Variants in PLCB3 observed in about 807,000 individuals in gnomAD.
The protein encoded by PLCB3 is phospholipase C beta 3.
PLCB3 carries 54 observed loss-of-function variants against 152.1 expected under a neutral mutation model. The observed-to-expected ratio is 0.36, with a 90% CI of 0.29 to 0.45. The LOEUF is 0.45. Among genes scored for constraint, PLCB3 ranks in the 20% least tolerant of loss-of-function variants. The pLI, the probability that PLCB3 is intolerant of heterozygous loss-of-function variation, is 1.00. For missense variants in PLCB3, 1,248 were observed against 1,687.5 expected (o/e 0.74, Z 4.56); for synonymous variants, 717 against 698.7 (o/e 1.03, Z -0.41).
Position 64,266,700 on chromosome 11 carries a change from A to G in PLCB3, c.3414+148A>G, listed in dbSNP as rs1007941119. 4 of 746,620 alleles carry G rather than the reference A, an allele frequency of 5.4e-6. No individual in the cohort carries two copies. The East Asian group carries it at 1.1e-4, about 20-fold the overall frequency. 46.2% of individuals were successfully genotyped at this position (746,620 alleles called of 1,614,324 possible). On this transcript the variant is annotated intron_variant, in intron 29 of 30. Coordinates refer to ENST00000279230, the MANE Select transcript of PLCB3 (RefSeq NM_000932.5). This position sits in a 1 kb window ranked among gnomAD's most constrained non-coding sequence, Gnocchi z 4.9. ...CCAACAGCCCCAGGGTACCCACATC[A>G]TACCCAAAGCCAACTGTCTGTACCA...
chr11:64,266,943 G>A lies in PLCB3; in HGVS notation c.3415-242G>A, dbSNP rs1340226217. On this transcript the variant is annotated intron_variant, in intron 29 of 30. Transcript: ENST00000279230. The surrounding 1 kb of genome is among the most constrained non-coding windows in gnomAD (Gnocchi z 4.9). ...CGAGTAGCTGGGATTACAGGCATCCGCCACCATGCCTGGCTAATTTTTTTA... is the reference window on the plus strand; with the variant it reads ...CGAGTAGCTGGGATTACAGGCATCCACCACCATGCCTGGCTAATTTTTTTA... 2.6e-5 allele frequency among the ~76,000 whole-genome samples: 4 copies of A among 152,130 alleles called. No homozygotes were observed. The highest frequency in any genetic ancestry group is 2.1e-4 in the South Asian group (1 of 4,826).
In PLCB3 at chr11:64,258,565, C is replaced by A; in HGVS notation, c.1105C>A (p.Arg369=). The stretch of plus-strand genomic sequence containing the variant: ...CGTGGAGCTGGACGTGTGGAAGGGA[C>A]GGCCGCCTGAGGAGGAACCCTTCAT... ...RCVELDVWKG[R]PPEEEPFITH... Residue 369 remains arginine (R), a synonymous_variant, in exon 11 of 31, where the codon CGG becomes AGG. Transcript: ENST00000279230. This position sits in a 1 kb window ranked among gnomAD's most constrained non-coding sequence, Gnocchi z 7.2. The A allele has an allele frequency of 6.2e-7, 1 of 1,613,936 alleles. No individual in the cohort carries two copies.
intron 2 of PLCB3, 111 bp downstream of exon 2, chr11:64,254,603 C>A: frequency 7.4e-7 from 1 of 1,357,792 alleles, no homozygotes; most frequent in Non-Finnish European, 1.0e-6. Flanking sequence ...CCACTGCTGC[C>A]CAGACAGGAA....
intron 19 of PLCB3, among the ~76,000 whole-genome samples, chr11:64,263,213 C>CT (rs1477952700): frequency 6.6e-6 from 1 of 152,362 alleles, no homozygotes; most frequent in East Asian, 1.9e-4. Flanking sequence ...TCATGACTCA[C>CT]TCCCGTTTCT....
chr11:64,259,334 G>C, intron 13 of PLCB3, 90 bp downstream of exon 13: 1 of 1,094,456 alleles, frequency 9.1e-7, no homozygotes, highest in East Asian at 2.6e-5. Flanking sequence ...CAGACCCCCA[G>C]CCCACCCTCC....
In PLCB3 at chr11:64,265,012, C is replaced by G. The variant is rs763137823; in HGVS notation, c.2714C>G (p.Ser905Cys). ...TCTCAGCAGCTGGGGTCTCAGCCGTCCTCAAACCCCACCCCCAGCCCACTG... is the reference window on the plus strand; with the variant it reads ...TCTCAGCAGCTGGGGTCTCAGCCGTGCTCAAACCCCACCCCCAGCCCACTG... The part of the protein sequence containing the change: ...TQSQQLGSQP[S>C]SNPTPSPLDA... Residue 905 changes from serine (S) to cysteine (C), a missense_variant, in exon 23 of 31, where the codon TCC becomes TGC. Coordinates refer to ENST00000279230, the MANE Select transcript of PLCB3 (RefSeq NM_000932.5). The G allele has an allele frequency of 1.2e-6, 2 of 1,609,578 alleles. No individual in the cohort carries two copies. The highest frequency in any genetic ancestry group is 2.2e-5 in the South Asian group (2 of 90,988).
At chr11:64,257,213 A>G (rs1487587530) in intron 10 of PLCB3, among the ~76,000 whole-genome samples, 1 of 152,134 alleles carries the variant, frequency 6.6e-6, no homozygotes, top group Non-Finnish European at 1.5e-5. Flanking sequence ...CATGTTGGTC[A>G]GGCTGGTCTC....
intron 21 of PLCB3, 70 bp from the exon 22 acceptor site, chr11:64,263,951 A>G: frequency 3.1e-6 from 4 of 1,281,220 alleles, no homozygotes; most frequent in Non-Finnish European, 4.4e-6. Flanking sequence ...CCTCATTGAG[A>G]CCAGAGGTGG....
intron 25 of PLCB3, 70 bp from the exon 26 acceptor site, chr11:64,265,816 C>G (rs776719781): frequency 6.5e-6 from 10 of 1,544,466 alleles, no homozygotes; most frequent in Non-Finnish European, 8.8e-6. Context: ...GGATGTGCCC[C>G]CCTACACACC....
At position 64,267,546 on chromosome 11, in the gene PLCB3, C is replaced by T. The variant is rs1367686240; in HGVS notation, c.3695C>T (p.Thr1232Met). Residue 1232 changes from threonine (T) to methionine (M), a missense_variant, in exon 31 of 31, where the codon ACG becomes ATG. Thr to Met is a moderately conservative substitution (Grantham distance 81, BLOSUM62 -1). Coordinates refer to ENST00000279230, the MANE Select transcript of PLCB3 (RefSeq NM_000932.5). The surrounding 1 kb of genome is among the most constrained non-coding windows in gnomAD (Gnocchi z 5.2). ...GACTCGGAGAGCCAGGAGGAGAACA[C>T]GCAGCTCTGAACTGGCTGAGCGAGG... is the stretch of plus-strand genomic sequence containing the variant. Reference protein sequence around the residue: ...GADSESQEENTQL With the variant: ...GADSESQEENMQL The T allele has an allele frequency of 1.9e-6, 3 of 1,562,604 alleles. No homozygotes were observed. The highest frequency in any genetic ancestry group is 2.6e-6 in the Non-Finnish European group (3 of 1,158,762).
rs1201535159 is a variant in PLCB3 at position 64,255,912 on chromosome 11, G to A, written c.698+91G>A. On this transcript the variant is annotated intron_variant, in intron 8 of 30. Transcript: ENST00000279230. The surrounding 1 kb of genome is among the most constrained non-coding windows in gnomAD (Gnocchi z 6.8). ...TAGCTCAATGGGGAGAGGGGAAACT[G>A]GTGGGCCGGGTCCTGGAGCGCCAGG... 3.3e-5 allele frequency: 33 copies of A among 1,006,652 alleles called. No individual in the cohort carries two copies. The highest frequency in any genetic ancestry group is 5.0e-5 in the Non-Finnish European group (32 of 637,240). 62.4% of individuals were successfully genotyped at this position (1,006,652 alleles called of 1,614,324 possible).
chr11:64,257,244 T>G (rs962347006), intron 10 of PLCB3, among the ~76,000 whole-genome samples: 3 of 152,064 alleles, frequency 2.0e-5, no homozygotes, highest in African/African-American at 7.2e-5. Flanking sequence ...CCTCAGGTGA[T>G]CCGCCTGCCT....
At position 64,254,299 on chromosome 11, in the gene PLCB3, G is replaced by T. The variant is rs2031394992; in HGVS notation, c.100-116G>T. On this transcript the variant is annotated intron_variant, in intron 1 of 30. Transcript: ENST00000279230. Reference sequence around the variant, plus strand: ...CACACAGGACCTGTGGACTGGATGAGGTTTCGTCTTAGCTCATGGGCAGGA... The same window carrying T: ...CACACAGGACCTGTGGACTGGATGATGTTTCGTCTTAGCTCATGGGCAGGA... 18 of 814,346 alleles carry T rather than the reference G, an allele frequency of 2.2e-5. No individual in the cohort carries two copies. In the East Asian group the frequency reaches 4.1e-4, roughly 19 times the overall value. 50.4% of individuals were successfully genotyped at this position (814,346 alleles called of 1,614,324 possible). A position where few individuals can be genotyped will look rare whatever the true frequency, so the allele number is the denominator to read the frequency against.
Position 64,266,618 on chromosome 11 carries a change from ATGCC to A in PLCB3, c.3414+69_3414+72del, listed in dbSNP as rs2032137377. On this transcript the variant is annotated intron_variant, in intron 29 of 30. Transcript: ENST00000279230. The surrounding 1 kb of genome is among the most constrained non-coding windows in gnomAD (Gnocchi z 4.9). The stretch of plus-strand genomic sequence containing the variant: ...CTTCACTCATCAGACACCCATCTCC[ATGCC>A]TGGCCTGGTGCCACGTTGCCCTCAA... 6.8e-7 allele frequency: 1 copy of A among 1,478,524 alleles called. No individual in the cohort carries two copies. Among genetic ancestry groups the A allele is most frequent in the Admixed American group, 1.7e-5 (1 of 59,716 alleles). 91.6% of individuals were successfully genotyped at this position (1,478,524 alleles called of 1,614,324 possible).
chr11:64,262,024 G>A lies in PLCB3; in HGVS notation c.1986G>A (p.Gln662=), dbSNP rs540587716. ...TRVDSSNYMP[Q]LFWNVGCQLV... is the part of the protein sequence containing the mutation. ...TGGACTCCTCCAACTACATGCCCCA[G>A]CTCTTCTGGAACGTAGGGTGCCAGC... Residue 662 remains glutamine, a synonymous_variant, in exon 17 of 31, where the codon CAG becomes CAA. Coordinates refer to ENST00000279230, the MANE Select transcript of PLCB3 (RefSeq NM_000932.5). 2 of 1,614,196 alleles carry A rather than the reference G, an allele frequency of 1.2e-6. No homozygotes were observed. The highest frequency in any genetic ancestry group is 3.3e-5 in the Admixed American group (2 of 60,032).
rs763285468 is a variant in PLCB3, at chr11:64,265,304, T to C, written c.2843-6T>C. 1.1e-6 allele frequency: 1 copy of C among 943,588 alleles called. No individual in the cohort carries two copies. The allele number at this position is 943,588 out of a possible 1,614,324, so 58.5% of individuals were successfully genotyped here. ...CCCCCGCCCACCTTTGCTCTGCCGCTCCCAGAGGTGGCCCCCACCCCGCTG... is the reference window on the plus strand; with the variant it reads ...CCCCCGCCCACCTTTGCTCTGCCGCCCCCAGAGGTGGCCCCCACCCCGCTG... On this transcript the variant is annotated splice_polypyrimidine_tract_variant and splice_region_variant and intron_variant, in intron 24 of 30. Transcript: ENST00000279230.
intron 1 of PLCB3, among the ~76,000 whole-genome samples, chr11:64,253,099 G>T (rs549776645): frequency 6.6e-6 from 1 of 152,340 alleles, no homozygotes; most frequent in South Asian, 2.1e-4. Context: ...AGCAAAGCCT[G>T]CCATGGGTGG....
Position 64,266,617 on chromosome 11 carries a change from C to A in PLCB3, c.3414+65C>A. On this transcript the variant is annotated intron_variant, in intron 29 of 30. Coordinates refer to ENST00000279230, the MANE Select transcript of PLCB3 (RefSeq NM_000932.5). This position sits in a 1 kb window ranked among gnomAD's most constrained non-coding sequence, Gnocchi z 4.9. ...CCTTCACTCATCAGACACCCATCTCCATGCCTGGCCTGGTGCCACGTTGCC... is the reference window on the plus strand; with the variant it reads ...CCTTCACTCATCAGACACCCATCTCAATGCCTGGCCTGGTGCCACGTTGCC... 6.7e-7 allele frequency: 1 copy of A among 1,496,524 alleles called. No homozygotes were observed. Among genetic ancestry groups the A allele is most frequent in the Non-Finnish European group, 9.3e-7 (1 of 1,073,662 alleles). The allele number at this position is 1,496,524 out of a possible 1,614,324, so 92.7% of individuals were successfully genotyped here. A position where few individuals can be genotyped will look rare whatever the true frequency, so the allele number is the denominator to read the frequency against.
At chr11:64,253,836 G>A (rs1427171578) in intron 1 of PLCB3, among the ~76,000 whole-genome samples, 2 of 152,224 alleles carry the variant, frequency 1.3e-5, no homozygotes, top group Admixed American at 6.5e-5. Flanking sequence ...TACGAGATGG[G>A]GATGAGCTTT....
Sources: allele counts gnomAD v4.1 joint callset (sites outside exome capture counted in the v4.1 genomes callset), GRCh38; gene constraint gnomAD v4.1.1; non-coding constraint Gnocchi (gnomAD v3.1); transcripts MANE v1.5; gene names NCBI Gene and HGNC (gene_info 2026-07-23, HGNC 2026-07-21).